Variants in PCDHGB1 observed in about 807,000 individuals in gnomAD.
The protein encoded by PCDHGB1 is protocadherin gamma subfamily B, 1, also known as protocadherin gamma-B1.
In PCDHGB1, 34 loss-of-function variants were observed where a neutral mutation model predicts 56.6. The ratio of observed to expected loss-of-function variants is 0.60; its 90% CI spans 0.46 to 0.80. The LOEUF is 0.80. PCDHGB1 is among the 30% of genes least tolerant of loss of function. PCDHGB1 has a pLI of 0.00. For synonymous variants in PCDHGB1, 561 were observed against 505.9 expected (o/e 1.11, Z -1.46); for missense variants, 1,278 against 1,204.6 (o/e 1.06, Z -0.90).
In PCDHGB1 at chr5:141,419,493, A is replaced by G. The variant is rs1246204844; in HGVS notation, c.2409+66824A>G. 5.0e-6 allele frequency: 8 copies of G among 1,612,382 alleles called. No individual in the cohort carries two copies. The highest frequency in any genetic ancestry group is 1.7e-4 in the Middle Eastern group (1 of 5,978). On this transcript the variant is annotated intron_variant, in intron 1 of 3. Coordinates refer to ENST00000523390, the MANE Select transcript of PCDHGB1 (RefSeq NM_018922.3). ...CAGGGCTCGCCCGCGCTCAGCGCCA[A>G]TGTGAGCCTGCGCGTGTTGGTGGGC...
intron 1 of PCDHGB1, among the ~76,000 whole-genome samples, chr5:141,448,809 A>G (rs998129053): frequency 9.2e-5 from 14 of 151,812 alleles, no homozygotes; most frequent in Non-Finnish European, 1.8e-4. Flanking sequence ...GCCAGGCGTG[A>G]TGGCGGGCGC....
At position 141,395,542 on chromosome 5, in the gene PCDHGB1, T is replaced by TTG. The variant is rs55729045; in HGVS notation, c.2409+42921_2409+42922dup. On this transcript the variant is annotated intron_variant, in intron 1 of 3. Transcript: ENST00000523390. ...TCCATACTGGTAATTTTGCTATTGT[T>TTG]TGTGTGTGTGTGTGTGTGTGTGTGT... 1.5e-3 allele frequency: 267 copies of TTG among 172,614 alleles called. 1 individual carries two copies. The highest frequency in any genetic ancestry group is 2.3e-3 in the African/African-American group (40 of 17,550). The allele number at this position is 172,614 out of a possible 1,614,324, so 10.7% of individuals were successfully genotyped here.
intron 1 of PCDHGB1, chr5:141,366,217 G>A: frequency 1.9e-6 from 3 of 1,613,788 alleles, no homozygotes; most frequent in South Asian, 2.2e-5. Context: ...TGCGCACAGC[G>A]CGAGCCCTGC....
chr5:141,371,939 C>G (rs1561553418), intron 1 of PCDHGB1: 6 of 1,613,300 alleles, frequency 3.7e-6, no homozygotes, highest in Non-Finnish European at 5.1e-6. Context: ...GGGTGGTGTT[C>G]GCGCAGCGAG....
Position 141,431,205 on chromosome 5 carries a change from A to T in PCDHGB1, c.2410-63602A>T, listed in dbSNP as rs1438031040. ...AAAATTAGTGAAAATGCAGCCACTG[A>T]GATGCGGTTCCCTCTACCCCACGCC... On this transcript the variant is annotated intron_variant, in intron 1 of 3. Transcript: ENST00000523390. This position sits in a 1 kb window ranked among gnomAD's most constrained non-coding sequence, Gnocchi z 4.8. 1.1e-5 allele frequency: 18 copies of T among 1,614,092 alleles called. No homozygotes were observed. Among genetic ancestry groups the T allele is most frequent in the Non-Finnish European group, 1.5e-5 (18 of 1,180,056 alleles).
chr5:141,508,904 T>C (rs1421450229), intron 3 of PCDHGB1, among the ~76,000 whole-genome samples: 2 of 151,336 alleles, frequency 1.3e-5, no homozygotes, highest in African/African-American at 4.9e-5. Context: ...GGCGGGGCGG[T>C]GGCGGATCTG....
chr5:141,419,824 AGCCACTGCCACGCT>A, intron 1 of PCDHGB1: 1 of 1,614,038 alleles, frequency 6.2e-7, no homozygotes, highest in South Asian at 1.1e-5. Context: ...CACCCCTTTC[AGCCACTGCCACGCT>A]GCACCTGGTG....
intron 1 of PCDHGB1, among the ~76,000 whole-genome samples, chr5:141,483,007 C>T (rs938404755): frequency 1.3e-5 from 2 of 152,022 alleles, no homozygotes; most frequent in Non-Finnish European, 2.9e-5. Flanking sequence ...ATTGCTTGAA[C>T]CCGGGAGGCA....
rs771503687 is a variant in PCDHGB1 at position 141,383,368 on chromosome 5, G to T, written c.2409+30699G>T. 3 of 1,614,014 alleles carry T rather than the reference G, an allele frequency of 1.9e-6. No individual in the cohort carries two copies. In the East Asian group the frequency reaches 6.7e-5, roughly 36 times the overall value. ...TGGGGTTCGGTTTCCGTTAAGCGAG[G>T]CTGGGGATCCAGATGTGGGCACGAA... On this transcript the variant is annotated intron_variant, in intron 1 of 3. Coordinates refer to ENST00000523390, the MANE Select transcript of PCDHGB1 (RefSeq NM_018922.3).
intron 1 of PCDHGB1, among the ~76,000 whole-genome samples, chr5:141,488,534 A>C (rs1169478867): frequency 1.3e-5 from 2 of 152,292 alleles, no homozygotes; most frequent in East Asian, 3.9e-4. Flanking sequence ...AGAAAAGCTA[A>C]GTCCCATGTC....
chr5:141,487,029 T>C lies in PCDHGB1; in HGVS notation c.2410-7778T>C. 1.2e-6 allele frequency: 2 copies of C among 1,614,226 alleles called. No individual in the cohort carries two copies. Among genetic ancestry groups the C allele is most frequent in the Non-Finnish European group, 1.7e-6 (2 of 1,180,040 alleles). ...CTGGAGGCCCCAGATCCCAGCCTGT[T>C]TGCAGTCTCTCGATATGCTGGGGAG... is the stretch of plus-strand genomic sequence containing the variant. On this transcript the variant is annotated intron_variant, in intron 1 of 3. Coordinates refer to ENST00000523390, the MANE Select transcript of PCDHGB1 (RefSeq NM_018922.3). The surrounding 1 kb of genome is among the most constrained non-coding windows in gnomAD (Gnocchi z 5.0).
intron 1 of PCDHGB1, among the ~76,000 whole-genome samples, chr5:141,380,852 C>A (rs1429709070): frequency 6.6e-6 from 1 of 152,182 alleles, no homozygotes; most frequent in Non-Finnish European, 1.5e-5. Context: ...TGGATCAAGA[C>A]ATTGAGAGCT....
chr5:141,366,178 CTT>C lies in PCDHGB1; in HGVS notation c.2409+13511_2409+13512del, dbSNP rs35325687. On this transcript the variant is annotated intron_variant, in intron 1 of 3. Coordinates refer to ENST00000523390, the MANE Select transcript of PCDHGB1 (RefSeq NM_018922.3). Reference sequence around the variant, plus strand: ...TGCTTAAGGCCAGCGAGCCAGGACTCTTTGCGGTTGGGCTGCACACGGGCGAG... The same window carrying C: ...TGCTTAAGGCCAGCGAGCCAGGACTCTGCGGTTGGGCTGCACACGGGCGAG... The C allele has an allele frequency of 1.5e-5, 24 of 1,613,926 alleles. No homozygotes were observed. In the Admixed American group the frequency reaches 3.5e-4, roughly 24 times the overall value.
At chr5:141,488,546 G>A (rs2099676755) in intron 1 of PCDHGB1, among the ~76,000 whole-genome samples, 1 of 152,188 alleles carries the variant, frequency 6.6e-6, no homozygotes, top group African/African-American at 2.4e-5. Context: ...TCCCATGTCA[G>A]CTGACATTGA....
At chr5:141,415,306 T>G (rs2095852502) in intron 1 of PCDHGB1, 2 of 1,614,222 alleles carry the variant, frequency 1.2e-6, no homozygotes, top group Non-Finnish European at 8.5e-7. Context: ...CTTCCTGGCC[T>G]TCGTCATCGT....
intron 1 of PCDHGB1, chr5:141,372,409 A>C: frequency 6.2e-7 from 1 of 1,614,038 alleles, no homozygotes; most frequent in South Asian, 1.1e-5. Flanking sequence ...CAAGAGATAC[A>C]ACCTGACCTT....
In PCDHGB1 at chr5:141,351,776, C is replaced by G. The variant is rs772478650; in HGVS notation, c.1516C>G (p.Gln506Glu). The G allele has an allele frequency of 2.1e-4, 346 of 1,613,404 alleles. 3 individuals carry two copies. In the East Asian group the frequency reaches 7.0e-3, roughly 33 times the overall value. Residue 506 changes from glutamine to glutamate, a missense_variant, in exon 1 of 4, where the codon CAG becomes GAG. Transcript: ENST00000523390. ...ELLSYVSVSP[Q>E]SGVVFAQRAF... ...GTTGTCCTACGTGTCCGTGAGCCCG[C>G]AGAGCGGGGTGGTGTTCGCGCAGCG... is the stretch of plus-strand genomic sequence containing the variant.
chr5:141,394,724 G>C (rs2093074353), intron 1 of PCDHGB1: 2 of 1,613,380 alleles, frequency 1.2e-6, no homozygotes, highest in Non-Finnish European at 1.7e-6. Context: ...ACAGAGATGC[G>C]CTCAAGCAGA....
At position 141,351,104 on chromosome 5, in the gene PCDHGB1, C is replaced by A. The variant is rs758554557; in HGVS notation, c.844C>A (p.Pro282Thr). 18 of 1,613,946 alleles carry A rather than the reference C, an allele frequency of 1.1e-5. No homozygotes were observed. The highest frequency in any genetic ancestry group is 1.4e-5 in the Non-Finnish European group (16 of 1,179,914). ...AEITYAFLNS[P>T]ISTSLFNLNP... Reference sequence around the variant, plus strand: ...GATCACCTATGCCTTCCTCAATTCCCCAATAAGTACCAGCCTCTTCAATCT... The same window carrying A: ...GATCACCTATGCCTTCCTCAATTCCACAATAAGTACCAGCCTCTTCAATCT... The change falls in exon 1 of 4, where the codon CCA (proline) becomes ACA (threonine). Residue 282 changes from proline (P) to threonine (T), a missense_variant. Pro to Thr is a conservative substitution (Grantham distance 38). Coordinates refer to ENST00000523390, the MANE Select transcript of PCDHGB1 (RefSeq NM_018922.3).
Sources: allele counts gnomAD v4.1 joint callset (sites outside exome capture counted in the v4.1 genomes callset), GRCh38; gene constraint gnomAD v4.1.1; non-coding constraint Gnocchi (gnomAD v3.1); transcripts MANE v1.5; gene names NCBI Gene and HGNC (gene_info 2026-07-23, HGNC 2026-07-21).